The following XIRP2 variants were observed in gnomAD, a reference collection of about 807,000 sequenced individuals.
The protein encoded by XIRP2 is xin actin-binding repeat-containing protein 2.
Under a neutral mutation model 277.0 loss-of-function variants are expected in XIRP2, and 236 were observed. The ratio of observed to expected loss-of-function variants is 0.85; its 90% confidence interval spans 0.77 to 0.95. The LOEUF is 0.95. Ranked by LOEUF, XIRP2 falls within the 40% of genes least tolerant of loss-of-function variation. The pLI, the probability that XIRP2 is intolerant of heterozygous loss-of-function variation, is 0.00. For synonymous variants in XIRP2, 1,490 were observed against 1,416.5 expected (o/e 1.05, Z -1.17); for missense variants, 4,640 against 4,157.5 (o/e 1.12, Z -3.19).
intron 5 of XIRP2, among the ~76,000 whole-genome samples, chr2:167,236,874 C>T (rs968652377): frequency 6.6e-6 from 1 of 152,104 alleles, no homozygotes; most frequent in Admixed American, 6.6e-5. Context: ...GATGATCCAG[C>T]TTTCTACCTA....
rs375797512 is a variant in XIRP2 at position 167,250,741 on chromosome 2, C to G, written c.9349C>G (p.Arg3117Gly). The G allele has an allele frequency of 2.0e-5, 33 of 1,613,544 alleles. No individual in the cohort carries two copies. Among genetic ancestry groups the G allele is most frequent in the Non-Finnish European group, 2.6e-5 (31 of 1,179,730 alleles). Reference sequence around the variant, plus strand: ...CATTCCTCCTCCCTCTTTAAAAACACGCCCACCGTCACCAACTTTTATCAC... The same window carrying G: ...CATTCCTCCTCCCTCTTTAAAAACAGGCCCACCGTCACCAACTTTTATCAC... ...SNIPPPSLKT[R>G]PPSPTFITIE... The change falls in exon 9 of 11, where the codon CGC (arginine) becomes GGC (glycine). Residue 3117 changes from arginine to glycine, a missense_variant. Coordinates refer to ENST00000409195, the MANE Select transcript of XIRP2 (RefSeq NM_152381.6).
chr2:167,013,882 T>C (rs1237607623), intron 2 of XIRP2, among the ~76,000 whole-genome samples: 2 of 151,316 alleles, frequency 1.3e-5, no homozygotes, highest in Admixed American at 6.6e-5. Flanking sequence ...TTCCTCTTCC[T>C]CGTTCTCATC....
intron 2 of XIRP2, among the ~76,000 whole-genome samples, chr2:167,123,657 C>T (rs1691121094): frequency 6.6e-6 from 1 of 152,098 alleles, no homozygotes; most frequent in Non-Finnish European, 1.5e-5. Context: ...GCTGCCTCTT[C>T]ACATGCTCAT....
chr2:167,076,428 G>A (rs928940241), intron 2 of XIRP2, among the ~76,000 whole-genome samples: 5 of 152,088 alleles, frequency 3.3e-5, no homozygotes, highest in Non-Finnish European at 7.3e-5. Context: ...AGAAAATATT[G>A]TCTATTATTT....
At chr2:167,134,337 T>C (rs1171564514) in intron 2 of XIRP2, among the ~76,000 whole-genome samples, 1 of 151,718 alleles carries the variant, frequency 6.6e-6, no homozygotes, top group Non-Finnish European at 1.5e-5. Flanking sequence ...ATATACTTGT[T>C]ATGTACATGT....
chr2:167,224,859 T>C (rs6432989), intron 5 of XIRP2, among the ~76,000 whole-genome samples: 40,799 of 152,110 alleles, frequency 0.27, 6,962 homozygotes, highest in African/African-American at 0.48. Context: ...CTTTCTTTTC[T>C]GTTCTTTAGC....
rs761144402 is a variant in XIRP2 at position 167,136,038 on chromosome 2, A to G, written c.538A>G (p.Ser180Gly). ...ATCTTTTGACAAGATGTCACCTGAA[A>G]GTGGTCACAGCCGCATCTTTGAAGG... ...ETSFDKMSPE[S>G]GHSRIFEATA... Residue 180 changes from serine (S) to glycine (G), a missense_variant, in exon 3 of 11, where the codon AGT becomes GGT. By Grantham distance (56) the Ser-to-Gly change is moderately conservative. Transcript: ENST00000409195. 6.2e-7 allele frequency: 1 copy of G among 1,608,470 alleles called. No individual in the cohort carries two copies.
At chr2:167,091,330 C>G (rs750351940) in intron 2 of XIRP2, among the ~76,000 whole-genome samples, 5 of 152,100 alleles carry the variant, frequency 3.3e-5, no homozygotes, top group Non-Finnish European at 5.9e-5. Flanking sequence ...ATTATAATAG[C>G]CCTGTTCACA....
Position 167,241,689 on chromosome 2 carries a change from A to G in XIRP2, c.1043-88A>G, listed in dbSNP as rs76201476. 5.6e-6 allele frequency: 8 copies of G among 1,433,594 alleles called. No individual in the cohort carries two copies. In the African/African-American group the frequency reaches 1.2e-4, roughly 21 times the overall value. 88.8% of individuals were successfully genotyped at this position (1,433,594 alleles called of 1,614,324 possible). Reference sequence around the variant, plus strand: ...TCTCCCAAAGTATTGGGATTACAGGAATGAGCCACCATGCCCAGCCATAAT... The same window carrying G: ...TCTCCCAAAGTATTGGGATTACAGGGATGAGCCACCATGCCCAGCCATAAT... On this transcript the variant is annotated intron_variant, in intron 7 of 10. Transcript: ENST00000409195.
rs1379335410 is a variant in XIRP2 at position 166,999,318 on chromosome 2, T to C, written c.408+95428T>C. Reference sequence around the variant, plus strand: ...TGAGTAAAACAACTAGTAGATGTTATTTTATTCTGTTTATTTCTCTCTGTT... The same window carrying C: ...TGAGTAAAACAACTAGTAGATGTTACTTTATTCTGTTTATTTCTCTCTGTT... On this transcript the variant is annotated intron_variant, in intron 2 of 10. Transcript: ENST00000409195. Among the ~76,000 whole-genome samples the C allele has an allele frequency of 2.0e-5, 3 of 152,142 alleles. No individual in the cohort carries two copies. The East Asian group carries it at 5.8e-4, about 29-fold the overall frequency.
In XIRP2 at chr2:167,184,624, A is replaced by G. The variant is rs964723868; in HGVS notation, c.563-26111A>G. 3 of 717,004 alleles carry G rather than the reference A, an allele frequency of 4.2e-6. No homozygotes were observed. In the African/African-American group the frequency reaches 5.2e-5, roughly 13 times the overall value. 44.4% of individuals were successfully genotyped at this position (717,004 alleles called of 1,614,324 possible). A position where few individuals can be genotyped will look rare whatever the true frequency, so the allele number is the denominator to read the frequency against. On this transcript the variant is annotated intron_variant, in intron 3 of 10. Coordinates refer to ENST00000409195, the MANE Select transcript of XIRP2 (RefSeq NM_152381.6). ...CAAAGACCCCCAAGAACAGCCTCAA[A>G]TCCTCAACTTATATTTGTAAGGTTC... is the stretch of plus-strand genomic sequence containing the variant.
chr2:167,140,287 TA>T (rs1157276819), intron 3 of XIRP2, among the ~76,000 whole-genome samples: 1 of 152,222 alleles, frequency 6.6e-6, no homozygotes, highest in East Asian at 1.9e-4. Context: ...TTCTAGAGCT[TA>T]ATTGTCTTGG....
chr2:166,903,330 T>C, intron 1 of XIRP2, 135 bp from the exon 2 acceptor site: 1 of 786,094 alleles, frequency 1.3e-6, no homozygotes, highest in South Asian at 2.0e-5. Flanking sequence ...AGAAATTGTG[T>C]GGAATTGTAT....
At position 166,937,923 on chromosome 2, in the gene XIRP2, T is replaced by C. The variant is rs185821183; in HGVS notation, c.408+34033T>C. Among the ~76,000 whole-genome samples, 229 of 152,346 alleles carry C rather than the reference T, an allele frequency of 1.5e-3. 8 individuals carry two copies. The East Asian group carries it at 0.04, about 27-fold the overall frequency. On this transcript the variant is annotated intron_variant, in intron 2 of 10. Transcript: ENST00000409195. ...ATTCTCTGATGGTATTTTGTATTTC[T>C]GTGGGATCGGTGGTGATATCCCCTT...
At position 167,256,806 on chromosome 2, in the gene XIRP2, A is replaced by G. The variant is rs538535290; in HGVS notation, c.*40-1051A>G. On this transcript the variant is annotated intron_variant, in intron 10 of 10. Transcript: ENST00000409195. ...CATATGCTGATCAAGAAAATAAGGC[A>G]GCTTGATTTCCAGAATTCCCTGGCT... 6.6e-5 allele frequency among the ~76,000 whole-genome samples: 10 copies of G among 152,026 alleles called. No individual in the cohort carries two copies. In the East Asian group the frequency reaches 1.8e-3, roughly 27 times the overall value.
At chr2:166,910,670 G>T (rs1171116210) in intron 2 of XIRP2, among the ~76,000 whole-genome samples, 3 of 152,032 alleles carry the variant, frequency 2.0e-5, no homozygotes, top group Admixed American at 2.0e-4. Context: ...GAATGTGTTT[G>T]CCCTTCCTTC....
At chr2:167,053,864 G>A (rs1314258886) in intron 2 of XIRP2, among the ~76,000 whole-genome samples, 1 of 152,154 alleles carries the variant, frequency 6.6e-6, no homozygotes, top group East Asian at 1.9e-4. Flanking sequence ...AAATTTGAGA[G>A]AATCAAATGT....
chr2:167,079,244 G>A (rs781635821), intron 2 of XIRP2, among the ~76,000 whole-genome samples: 1 of 152,184 alleles, frequency 6.6e-6, no homozygotes, highest in Non-Finnish European at 1.5e-5. Flanking sequence ...TTGATGTGCT[G>A]CTGGATTTGG....
rs749218918 is a variant in XIRP2, at chr2:167,250,466, C to T, written c.9074C>T (p.Ser3025Phe). The change falls in exon 9 of 11, where the codon TCC becomes TTC. Residue 3025 changes from serine (S) to phenylalanine (F), a missense_variant. By Grantham distance (155) the Ser-to-Phe change is radical. Coordinates refer to ENST00000409195, the MANE Select transcript of XIRP2 (RefSeq NM_152381.6). ...ACTCAAGCGGAAGATATGCTTGTGT[C>T]CTATGAAAATATAATTCAGACAGCC... ...IKTQAEDMLV[S>F]YENIIQTAMM... 8.4e-5 allele frequency: 135 copies of T among 1,613,180 alleles called. No homozygotes were observed. Among genetic ancestry groups the T allele is most frequent in the Middle Eastern group, 1.6e-4 (1 of 6,076 alleles).
Sources: allele counts gnomAD v4.1 joint callset (sites outside exome capture counted in the v4.1 genomes callset), GRCh38; gene constraint gnomAD v4.1.1; transcripts MANE v1.5; gene names NCBI Gene and HGNC (gene_info 2026-07-23, HGNC 2026-07-21).